PHLPP1: variants seen among roughly 807,000 people sequenced by gnomAD.
PHLPP1 encodes the protein PH domain and leucine rich repeat protein phosphatase 1, also known as PH domain leucine-rich repeat-containing protein phosphatase 1.
In PHLPP1, 42 loss-of-function variants were observed where a neutral mutation model predicts 117.2. The ratio of observed to expected loss-of-function variants is 0.36; its 90% confidence interval spans 0.28 to 0.46. The LOEUF (loss-of-function observed/expected upper bound fraction) is 0.46, where lower values mean the gene tolerates loss of function less well. PHLPP1 is among the 20% of genes least tolerant of loss of function. PHLPP1 has a pLI of 1.00. For missense variants in PHLPP1, 2,084 were observed against 2,241.9 expected, an observed-to-expected ratio of 0.93 and a Z score of 1.42; for synonymous variants, 1,042 against 970.7, an observed-to-expected ratio of 1.07 and a Z score of -1.37.
chr18:62,867,491 AT>A (rs1915798044), intron 4 of PHLPP1, among the ~76,000 whole-genome samples: 1 of 152,180 alleles, frequency 6.6e-6, no homozygotes, highest in Admixed American at 6.5e-5. Context: ...AATTGCAGTG[AT>A]TATATTTCCT....
chr18:62,814,197 A>C (rs1231190690), intron 1 of PHLPP1, among the ~76,000 whole-genome samples: 1 of 152,230 alleles, frequency 6.6e-6, no homozygotes, highest in African/African-American at 2.4e-5. Flanking sequence ...TGTCAGTAAG[A>C]AGCAAGATTT....
At chr18:62,851,884 C>CT (rs1008631099) in intron 3 of PHLPP1, among the ~76,000 whole-genome samples, 146 of 148,408 alleles carry the variant, frequency 9.8e-4, no homozygotes, top group African/African-American at 3.0e-3. Flanking sequence ...TTTTTCTTTT[C>CT]TTTTTTTTTT....
intron 1 of PHLPP1, among the ~76,000 whole-genome samples, chr18:62,753,290 A>G (rs1174069813): frequency 3.9e-5 from 6 of 152,236 alleles, no homozygotes; most frequent in Non-Finnish European, 7.3e-5. Flanking sequence ...AGTATTCTAT[A>G]TGATTTATCA....
At chr18:62,934,034 T>C (rs1909896971) in intron 10 of PHLPP1, among the ~76,000 whole-genome samples, 2 of 152,172 alleles carry the variant, frequency 1.3e-5, no homozygotes, top group African/African-American at 4.8e-5. Flanking sequence ...AGATACCATC[T>C]CAACACCAGT....
intron 10 of PHLPP1, among the ~76,000 whole-genome samples, chr18:62,932,022 G>A (rs997177998): frequency 5.9e-5 from 9 of 152,000 alleles, no homozygotes; most frequent in Non-Finnish European, 7.4e-5. Flanking sequence ...AAATCTAGAG[G>A]AAATGGATAA....
chr18:62,930,124 AT>A (rs1444282885), intron 10 of PHLPP1, among the ~76,000 whole-genome samples: 1 of 152,250 alleles, frequency 6.6e-6, no homozygotes, highest in Non-Finnish European at 1.5e-5. Context: ...GGATAAGGTC[AT>A]TTAATAAGAC....
chr18:62,972,766 T>C (rs1174279116), intron 15 of PHLPP1, 58 bp downstream of exon 15: 1 of 1,322,750 alleles, frequency 7.6e-7, no homozygotes, highest in East Asian at 2.4e-5. Flanking sequence ...TGAGTGTTTA[T>C]CCTCTGTTTA....
intron 4 of PHLPP1, among the ~76,000 whole-genome samples, chr18:62,861,957 A>G (rs529566258): frequency 7.5e-4 from 114 of 152,290 alleles, no homozygotes; most frequent in African/African-American, 2.6e-3. Context: ...GCATCACTTT[A>G]TTGCATTAAG....
chr18:62,953,283 C>T (rs534348694), intron 12 of PHLPP1, among the ~76,000 whole-genome samples: 4 of 152,338 alleles, frequency 2.6e-5, no homozygotes, highest in Admixed American at 2.6e-4. Flanking sequence ...CCTGCCCAGC[C>T]TTATCTTCTG....
rs780016659 is a variant in PHLPP1 at position 62,716,474 on chromosome 18, C to T, written c.791C>T (p.Pro264Leu). Reference protein sequence around the residue: ...AAAAREPAEPPPEAGPRLAPP... With the variant: ...AAAAREPAEPLPEAGPRLAPP... ...GCCGCCCGGGAGCCCGCTGAACCGCCCCCCGAGGCCGGCCCCCGGCTGGCG... is the reference window on the plus strand; with the variant it reads ...GCCGCCCGGGAGCCCGCTGAACCGCTCCCCGAGGCCGGCCCCCGGCTGGCG... The change falls in exon 1 of 17, where the codon CCC (proline) becomes CTC (leucine). Residue 264 changes from proline to leucine, a missense_variant. By Grantham distance (98) the Pro-to-Leu change is moderately conservative. This residue lies in a region of PHLPP1 where 719 missense variants were observed against 636.0 expected (regional missense o/e 1.13). Transcript: ENST00000262719. This position sits in a 1 kb window ranked among gnomAD's most constrained non-coding sequence, Gnocchi z 5.7. The T allele has an allele frequency of 3.3e-5, 41 of 1,233,558 alleles. No homozygotes were observed. The highest frequency in any genetic ancestry group is 1.8e-4 in the South Asian group (5 of 27,216). The allele number at this position is 1,233,558 out of a possible 1,614,324, so 76.4% of individuals were successfully genotyped here. A position where few individuals can be genotyped will look rare whatever the true frequency, so the allele number is the denominator to read the frequency against.
At chr18:62,775,154 G>A (rs1199046687) in intron 1 of PHLPP1, among the ~76,000 whole-genome samples, 2 of 152,110 alleles carry the variant, frequency 1.3e-5, no homozygotes, top group Non-Finnish European at 2.9e-5. Context: ...CTGGAGTGCA[G>A]TGGCGCCATC....
rs530710894 is a variant in PHLPP1, at chr18:62,819,046, G to A, written c.1577-10989G>A. 3.2e-4 allele frequency among the ~76,000 whole-genome samples: 49 copies of A among 152,302 alleles called. No homozygotes were observed. In the East Asian group the frequency reaches 9.4e-3, roughly 29 times the overall value. The stretch of plus-strand genomic sequence containing the variant: ...TAAAATGTAGTAAAATAATTAGGAT[G>A]TAATGAGTTTTGAGTATTTATTACT... On this transcript the variant is annotated intron_variant, in intron 1 of 16. Coordinates refer to ENST00000262719, the MANE Select transcript of PHLPP1 (RefSeq NM_194449.4).
intron 1 of PHLPP1, among the ~76,000 whole-genome samples, chr18:62,740,791 G>A (rs1475298800): frequency 6.6e-6 from 1 of 152,142 alleles, no homozygotes; most frequent in Non-Finnish European, 1.5e-5. Context: ...GGCCAACATG[G>A]TGAGACCCCA....
intron 4 of PHLPP1, among the ~76,000 whole-genome samples, chr18:62,873,657 T>A (rs947034499): frequency 3.3e-5 from 5 of 152,194 alleles, no homozygotes; most frequent in African/African-American, 1.2e-4. Flanking sequence ...GGGCTAGCAC[T>A]ATAATTTCAG....
intron 14 of PHLPP1, among the ~76,000 whole-genome samples, chr18:62,971,027 G>T (rs1911035489): frequency 6.6e-6 from 1 of 152,152 alleles, no homozygotes; most frequent in Admixed American, 6.5e-5. Flanking sequence ...TTTTCTAGTT[G>T]TTTTCCGTTG....
At chr18:62,866,156 A>T (rs1244821870) in intron 4 of PHLPP1, among the ~76,000 whole-genome samples, 1 of 152,136 alleles carries the variant, frequency 6.6e-6, no homozygotes, top group Non-Finnish European at 1.5e-5. Context: ...GGGATTAGTG[A>T]ATGGTTTGAA....
Position 62,978,977 on chromosome 18 carries a change from T to C in PHLPP1, c.4700T>C (p.Val1567Ala). Residue 1567 changes from valine to alanine, a missense_variant, in exon 17 of 17, where the codon GTG becomes GCG. Transcript: ENST00000262719. The surrounding 1 kb of genome is among the most constrained non-coding windows in gnomAD (Gnocchi z 7.0). ...AACGGCAGCCGGGTGGAGGTGGAGGTGGACATCCACTGCAGCCGGGCCAAG... is the reference window on the plus strand; with the variant it reads ...AACGGCAGCCGGGTGGAGGTGGAGGCGGACATCCACTGCAGCCGGGCCAAG... The part of the protein sequence containing the change: ...FTNGSRVEVE[V>A]DIHCSRAKEK... 1.2e-6 allele frequency: 2 copies of C among 1,610,912 alleles called. No individual in the cohort carries two copies. Among genetic ancestry groups the C allele is most frequent in the South Asian group, 2.2e-5 (2 of 90,512 alleles).
At chr18:62,862,130 A>AATT (rs1339325099) in intron 4 of PHLPP1, among the ~76,000 whole-genome samples, 2 of 151,018 alleles carry the variant, frequency 1.3e-5, no homozygotes, top group Non-Finnish European at 2.9e-5. Flanking sequence ...CCCAGGCTAG[A>AATT]GTGTGGTGGC....
chr18:62,872,716 G>T (rs1915934039), intron 4 of PHLPP1, among the ~76,000 whole-genome samples: 1 of 151,266 alleles, frequency 6.6e-6, no homozygotes, highest in African/African-American at 2.4e-5. Flanking sequence ...GTGGGGCGTG[G>T]TGGCTCACGC....
Sources: allele counts gnomAD v4.1 joint callset (sites outside exome capture counted in the v4.1 genomes callset), GRCh38; gene constraint gnomAD v4.1.1; regional missense constraint gnomAD v4.1.1; non-coding constraint Gnocchi (gnomAD v3.1); transcripts MANE v1.5; gene names NCBI Gene and HGNC (gene_info 2026-07-23, HGNC 2026-07-21).